Variants in CYFIP2 observed in about 807,000 individuals in gnomAD.
The protein encoded by CYFIP2 is cytoplasmic FMR1 interacting protein 2.
Under a neutral mutation model 158.7 loss-of-function variants are expected in CYFIP2, and 29 were observed. The ratio of observed to expected loss-of-function variants is 0.18; its 90% confidence interval spans 0.14 to 0.25. The LOEUF (loss-of-function observed/expected upper bound fraction) is 0.25. CYFIP2 is among the 10% of genes least tolerant of loss of function. The probability of loss-of-function intolerance (pLI) is 1.00; values close to 1 mark genes in which losing one functional copy is unlikely to be tolerated. For synonymous variants in CYFIP2, 585 were observed against 617.6 expected, an observed-to-expected ratio of 0.95 and a Z score of 0.78; for missense variants, 852 against 1,639.5, an observed-to-expected ratio of 0.52 and a Z score of 8.29.
intron 23 of CYFIP2, among the ~76,000 whole-genome samples, chr5:157,346,395 G>A (rs1762696108): frequency 6.6e-6 from 1 of 152,192 alleles, no homozygotes; most frequent in Non-Finnish European, 1.5e-5. Context: ...ATCTCAAGAT[G>A]AAATCTTCCT....
rs548857088 is a variant in CYFIP2 at position 157,342,842 on chromosome 5, G to A, written c.2673+1685G>A. On this transcript the variant is annotated intron_variant, in intron 23 of 30. Transcript: ENST00000620254. ...TGGAAAGCTTTAGGCTACATGATGC[G>A]GGCGCTCTCCTCCCCACTCTCATTC... is the stretch of plus-strand genomic sequence containing the variant. 55 of 1,594,042 alleles carry A rather than the reference G, an allele frequency of 3.5e-5. No homozygotes were observed. In the Admixed American group the frequency reaches 6.0e-4, roughly 17 times the overall value.
chr5:157,371,777 T>A (rs1228526122), intron 26 of CYFIP2, among the ~76,000 whole-genome samples: 3 of 152,176 alleles, frequency 2.0e-5, no homozygotes, highest in Non-Finnish European at 4.4e-5. Flanking sequence ...CATGAATCCC[T>A]TAAATTCTGA....
chr5:157,389,465 C>A (rs1767045363), intron 29 of CYFIP2, 38 bp downstream of exon 29: 2 of 1,496,460 alleles, frequency 1.3e-6, no homozygotes, highest in South Asian at 1.3e-5. Flanking sequence ...TACCCCCAAC[C>A]TGCCTGTGCT....
intron 26 of CYFIP2, among the ~76,000 whole-genome samples, chr5:157,381,256 G>A (rs540742596): frequency 6.6e-6 from 1 of 151,250 alleles, no homozygotes; most frequent in South Asian, 2.1e-4. Flanking sequence ...TTACTCCCAC[G>A]AATTTCTTTA....
chr5:157,366,697 GATCTT>G lies in CYFIP2; in HGVS notation c.3039+5104_3039+5108del, dbSNP rs796729303. ...TCGCAGCCTCTTAATATATTTGTTG[GATCTT>G]ATCTGAAACAAATCAGCATTTGTTA... On this transcript the variant is annotated intron_variant, in intron 26 of 30. Transcript: ENST00000620254. 4.1e-4 allele frequency among the ~76,000 whole-genome samples: 62 copies of G among 152,172 alleles called. 1 individual carries two copies. Among genetic ancestry groups the G allele is most frequent in the African/African-American group, 1.4e-3 (59 of 41,492 alleles).
chr5:157,326,481 C>A (rs1761027945), intron 18 of CYFIP2, among the ~76,000 whole-genome samples: 1 of 152,220 alleles, frequency 6.6e-6, no homozygotes, highest in Admixed American at 6.5e-5. Flanking sequence ...CTCTTCCCAC[C>A]CACAAACTCT....
intron 19 of CYFIP2, among the ~76,000 whole-genome samples, chr5:157,328,566 A>G (rs1264922420): frequency 6.6e-6 from 1 of 152,152 alleles, no homozygotes; most frequent in Non-Finnish European, 1.5e-5. Flanking sequence ...GTGGATTAAT[A>G]CATGTCAGTG....
chr5:157,323,302 C>G (rs1760753096), intron 15 of CYFIP2, among the ~76,000 whole-genome samples: 1 of 152,162 alleles, frequency 6.6e-6, no homozygotes, highest in Non-Finnish European at 1.5e-5. Context: ...CTGATGCCAC[C>G]AAGGGGGCGC....
intron 11 of CYFIP2, among the ~76,000 whole-genome samples, chr5:157,312,218 T>C (rs1160332045): frequency 6.6e-6 from 1 of 151,824 alleles, no homozygotes; most frequent in Non-Finnish European, 1.5e-5. Flanking sequence ...CAGTAATAAA[T>C]GATCATTGTA....
At chr5:157,303,131 G>T in intron 7 of CYFIP2, 1 of 435,962 alleles carries the variant, frequency 2.3e-6, no homozygotes, top group South Asian at 3.6e-5. Flanking sequence ...CTCTGACCCT[G>T]CATCAGGGTT....
rs2113101762 is a variant in CYFIP2 at position 157,319,904 on chromosome 5, G to A, written c.1499G>A (p.Arg500Gln). The stretch of plus-strand genomic sequence containing the variant: ...CGTGAGCCCCTGCGGCAGGCGGTAC[G>A]GAAGAAGAAGAATGTCCTCATCAGG... ...TLREPLRQAV[R>Q]KKKNVLISVL... The change falls in exon 14 of 31, where the codon CGG becomes CAG. Residue 500 changes from arginine to glutamine, a missense_variant. Arg to Gln is a conservative substitution (Grantham distance 43). Around this residue, in one of 8 missense-constraint regions of CYFIP2, gnomAD observed 167 missense variants for 343.3 expected, o/e 0.49. Coordinates refer to ENST00000620254, the MANE Select transcript of CYFIP2 (RefSeq NM_001037333.3). 1.2e-6 allele frequency: 2 copies of A among 1,614,010 alleles called. No individual in the cohort carries two copies. Among genetic ancestry groups the A allele is most frequent in the Non-Finnish European group, 1.7e-6 (2 of 1,179,872 alleles).
intron 8 of CYFIP2, among the ~76,000 whole-genome samples, chr5:157,306,100 C>T (rs1164423200): frequency 6.6e-6 from 1 of 152,186 alleles, no homozygotes; most frequent in Non-Finnish European, 1.5e-5. Context: ...TGATTCTGTC[C>T]CAGATCCTCA....
chr5:157,289,027 C>G (rs1757617358), intron 3 of CYFIP2, among the ~76,000 whole-genome samples: 1 of 152,148 alleles, frequency 6.6e-6, no homozygotes, highest in African/African-American at 2.4e-5. Flanking sequence ...AGCTTTATAA[C>G]AGCCCTGTGA....
chr5:157,345,292 C>T (rs1762596631), intron 23 of CYFIP2: 1 of 152,416 alleles, frequency 6.6e-6, no homozygotes, highest in Admixed American at 6.5e-5. Flanking sequence ...CTCTTGGCTT[C>T]CTATCTGCCA....
In CYFIP2 at chr5:157,280,200, T is replaced by TTG. The variant is rs375152190; in HGVS notation, c.-23-5124_-23-5123dup. Among the ~76,000 whole-genome samples the TTG allele has an allele frequency of 9.0e-3, 1,357 of 151,534 alleles. 23 individuals carry two copies. Among genetic ancestry groups the TTG allele is most frequent in the East Asian group, 0.028 (142 of 5,162 alleles). On this transcript the variant is annotated intron_variant, in intron 1 of 30. Transcript: ENST00000620254. ...TGGTTATTCTGGTAAATGAGTATTTTTGTGTGTGTGTGTGTGATGAAGTTT... is the reference window on the plus strand; with the variant it reads ...TGGTTATTCTGGTAAATGAGTATTTTTGTGTGTGTGTGTGTGTGATGAAGTTT...
chr5:157,325,620 A>G lies in CYFIP2; in HGVS notation c.1964A>G (p.Lys655Arg). The change falls in exon 17 of 31, where the codon AAA becomes AGA. Residue 655 changes from lysine (K) to arginine (R), a missense_variant. Physicochemically the swap from Lys to Arg is conservative, Grantham distance 26 (BLOSUM62 2). Around this residue, in one of 8 missense-constraint regions of CYFIP2, gnomAD observed 167 missense variants for 343.3 expected, o/e 0.49. Coordinates refer to ENST00000620254, the MANE Select transcript of CYFIP2 (RefSeq NM_001037333.3). ...WILTDHILET[K>R]EPSMMEYVLY... ...CTAACGGACCATATCCTGGAAACCA[A>G]AGAACCTTCCATGATGGAGTAAGAG... 1 of 1,610,572 alleles carries G rather than the reference A, an allele frequency of 6.2e-7. No individual in the cohort carries two copies. The highest frequency in any genetic ancestry group is 1.3e-5 in the African/African-American group (1 of 74,916).
chr5:157,311,005 G>T lies in CYFIP2; in HGVS notation c.993-659G>T, dbSNP rs1292566064. On this transcript the variant is annotated intron_variant, in intron 10 of 30. Coordinates refer to ENST00000620254, the MANE Select transcript of CYFIP2 (RefSeq NM_001037333.3). The surrounding 1 kb of genome is among the most constrained non-coding windows in gnomAD (Gnocchi z 4.7). The stretch of plus-strand genomic sequence containing the variant: ...TTCATTTCCTCTCTGACTTAGGATG[G>T]TTTTCCTAATGACATCTTTTCACAA... 2.2e-6 allele frequency: 1 copy of T among 455,092 alleles called. No homozygotes were observed. The highest frequency in any genetic ancestry group is 2.4e-5 in the Admixed American group (1 of 42,288). 28.2% of individuals were successfully genotyped at this position (455,092 alleles called of 1,614,324 possible). A position where few individuals can be genotyped will look rare whatever the true frequency, so the allele number is the denominator to read the frequency against.
chr5:157,360,396 G>A, intron 25 of CYFIP2, 24 bp downstream of exon 25: 1 of 1,599,864 alleles, frequency 6.3e-7, no homozygotes, highest in Non-Finnish European at 8.5e-7. Flanking sequence ...AAACAATCCA[G>A]ACCCCTCCCA....
intron 1 of CYFIP2, among the ~76,000 whole-genome samples, chr5:157,268,994 T>C (rs1050763154): frequency 6.6e-6 from 1 of 152,140 alleles, no homozygotes; most frequent in Non-Finnish European, 1.5e-5. Flanking sequence ...ACATAGTAAG[T>C]ACTAGCATAT....
Sources: gnomAD v4.1 joint callset for allele counts (sites outside exome capture counted in the v4.1 genomes callset) on GRCh38, gnomAD v4.1.1 for gene constraint, gnomAD v4.1.1 regional missense constraint, Gnocchi (gnomAD v3.1) non-coding constraint, MANE v1.5 for transcripts, NCBI Gene and HGNC (gene_info 2026-07-23, HGNC 2026-07-21) for gene names.